The following GLRA3 variants were observed in gnomAD, a reference collection of about 807,000 sequenced individuals.
GLRA3 encodes the protein glycine receptor alpha 3, also known as glycine receptor subunit alpha-3.
In GLRA3, 44 loss-of-function variants were observed where a neutral mutation model predicts 60.4. The observed-to-expected ratio is 0.73, with a 90% confidence interval of 0.57 to 0.94. The LOEUF (loss-of-function observed/expected upper bound fraction) is 0.94, where lower values mean the gene tolerates loss of function less well. GLRA3 is among the 40% of genes least tolerant of loss of function. The pLI is 0.00. For synonymous variants in GLRA3, 223 were observed against 192.9 expected (o/e 1.16, Z -1.29); for missense variants, 508 against 564.6 (o/e 0.90, Z 1.02).
At chr4:174,691,884 G>C (rs1734835417) in intron 5 of GLRA3, among the ~76,000 whole-genome samples, 1 of 149,262 alleles carries the variant, frequency 6.7e-6, no homozygotes, top group Non-Finnish European at 1.5e-5. Context: ...CCCTCTGCCT[G>C]GCTGCCCAGT....
intron 4 of GLRA3, among the ~76,000 whole-genome samples, chr4:174,718,639 T>A (rs1352879158): frequency 6.6e-6 from 1 of 152,206 alleles, no homozygotes; most frequent in East Asian, 1.9e-4. Context: ...TTTTATTAGA[T>A]CCTAATATTT....
chr4:174,752,586 G>T (rs543589598), intron 3 of GLRA3, among the ~76,000 whole-genome samples: 6 of 152,072 alleles, frequency 3.9e-5, no homozygotes, highest in Non-Finnish European at 7.4e-5. Context: ...TCACTATTCC[G>T]AAAGTTTGAC....
intron 5 of GLRA3, among the ~76,000 whole-genome samples, chr4:174,693,609 C>T (rs190935748): frequency 1.3e-5 from 2 of 152,238 alleles, no homozygotes; most frequent in African/African-American, 2.4e-5. Context: ...CTATATTTTG[C>T]TTAGGATTGC....
At chr4:174,650,603 A>AG (rs143795852) in intron 9 of GLRA3, among the ~76,000 whole-genome samples, 1,716 of 152,310 alleles carry the variant, frequency 0.011, 33 homozygotes, top group African/African-American at 0.039. Flanking sequence ...GTCCATATCT[A>AG]GGCCTGAAAT....
intron 4 of GLRA3, among the ~76,000 whole-genome samples, chr4:174,727,324 A>T (rs1736367751): frequency 1.3e-5 from 2 of 152,228 alleles, no homozygotes; most frequent in Admixed American, 6.5e-5. Context: ...ATGAACTCCA[A>T]ATCAAATACC....
intron 2 of GLRA3, among the ~76,000 whole-genome samples, chr4:174,785,149 GA>G (rs1260820369): frequency 6.6e-6 from 1 of 152,000 alleles, no homozygotes; most frequent in African/African-American, 2.4e-5. Context: ...CAAGAGGTGA[GA>G]TTTTTTTAAA....
chr4:174,689,276 A>G (rs184037702), intron 5 of GLRA3, among the ~76,000 whole-genome samples: 170 of 152,366 alleles, frequency 1.1e-3, no homozygotes, highest in Middle Eastern at 3.4e-3. Flanking sequence ...GTATGTATAC[A>G]CATCTAATAA....
At chr4:174,678,551 C>T (rs1170651617) in intron 6 of GLRA3, among the ~76,000 whole-genome samples, 2 of 152,154 alleles carry the variant, frequency 1.3e-5, no homozygotes, top group Admixed American at 6.5e-5. Context: ...TTGGGCCGTG[C>T]GTGATTGCAC....
At chr4:174,805,724 G>A (rs1052481257) in intron 1 of GLRA3, among the ~76,000 whole-genome samples, 3 of 152,086 alleles carry the variant, frequency 2.0e-5, no homozygotes, top group Admixed American at 6.6e-5. Context: ...TTACCAAGAA[G>A]TTTCTGCATA....
chr4:174,768,771 G>T (rs1281415398), intron 2 of GLRA3, among the ~76,000 whole-genome samples: 1 of 152,088 alleles, frequency 6.6e-6, no homozygotes, highest in Non-Finnish European at 1.5e-5. Context: ...GTGAACCATT[G>T]CTCTGATTCT....
chr4:174,774,735 T>C (rs1738525706), intron 2 of GLRA3, among the ~76,000 whole-genome samples: 2 of 152,112 alleles, frequency 1.3e-5, no homozygotes, highest in African/African-American at 4.8e-5. Context: ...ACAAATAAAA[T>C]ATGATGTGAT....
At chr4:174,776,959 C>T (rs1738627396) in intron 2 of GLRA3, among the ~76,000 whole-genome samples, 1 of 151,956 alleles carries the variant, frequency 6.6e-6, no homozygotes, top group Non-Finnish European at 1.5e-5. Context: ...CACCATGTAA[C>T]TGAGGACAAA....
chr4:174,769,667 T>A (rs1738304222), intron 2 of GLRA3, among the ~76,000 whole-genome samples: 1 of 152,068 alleles, frequency 6.6e-6, no homozygotes, highest in African/African-American at 2.4e-5. Flanking sequence ...CATAGCTTTC[T>A]GTTGTGGGAT....
At chr4:174,796,051 C>G (rs1739551785) in intron 1 of GLRA3, among the ~76,000 whole-genome samples, 1 of 152,044 alleles carries the variant, frequency 6.6e-6, no homozygotes, top group African/African-American at 2.4e-5. Context: ...TTGGACTCCC[C>G]AAAAGTCATA....
At chr4:174,722,220 C>G (rs1736159063) in intron 4 of GLRA3, among the ~76,000 whole-genome samples, 4 of 152,034 alleles carry the variant, frequency 2.6e-5, no homozygotes, top group Admixed American at 2.6e-4. Context: ...GTGCCTGAAA[C>G]CCCTATGCCT....
At chr4:174,659,223 A>T (rs745484429) in intron 7 of GLRA3, 26 bp from the exon 8 acceptor site, 1 of 1,588,348 alleles carries the variant, frequency 6.3e-7, no homozygotes, top group East Asian at 2.2e-5. Flanking sequence ...AGAGAAAGCA[A>T]GCAAATTCAC....
chr4:174,655,613 A>G (rs908171125), intron 9 of GLRA3, among the ~76,000 whole-genome samples: 1 of 152,126 alleles, frequency 6.6e-6, no homozygotes, highest in Admixed American at 6.6e-5. Flanking sequence ...GTATAGTCTA[A>G]TACCTACTTG....
At chr4:174,692,000 C>T (rs574013918) in intron 5 of GLRA3, among the ~76,000 whole-genome samples, 11 of 151,312 alleles carry the variant, frequency 7.3e-5, no homozygotes, top group Non-Finnish European at 1.3e-4. Flanking sequence ...GCCTCTGCCC[C>T]GCCGCCCCGT....
chr4:174,750,571 T>C (rs1320609386), intron 3 of GLRA3, among the ~76,000 whole-genome samples: 1 of 152,110 alleles, frequency 6.6e-6, no homozygotes, highest in Non-Finnish European at 1.5e-5. Context: ...AAATGCATTG[T>C]GATGGCTGTC....
Sources: gnomAD v4.1 joint callset for allele counts (sites outside exome capture counted in the v4.1 genomes callset) on GRCh38, gnomAD v4.1.1 for gene constraint, MANE v1.5 for transcripts, NCBI Gene and HGNC (gene_info 2026-07-23, HGNC 2026-07-21) for gene names.